Variants in ITGB6 observed in about 807,000 individuals in gnomAD.
ITGB6 encodes the protein integrin beta-6.
ITGB6 carries 80 observed loss-of-function variants against 84.5 expected under a neutral mutation model. That is an observed-to-expected ratio of 0.95 (90% confidence interval 0.79 to 1.14). The LOEUF is 1.14. ITGB6 is among the 50% of genes most tolerant of loss of function. The pLI, the probability that ITGB6 is intolerant of heterozygous loss-of-function variation, is 0.00. For missense variants in ITGB6, 1,006 were observed against 968.0 expected (o/e 1.04, Z -0.52); for synonymous variants, 383 against 354.9 (o/e 1.08, Z -0.89).
At chr2:160,123,979 G>A in intron 11 of ITGB6, 91 bp from the exon 12 acceptor site, 1 of 865,424 alleles carries the variant, frequency 1.2e-6, no homozygotes, top group South Asian at 1.5e-5. Context: ...GTTGCAATTT[G>A]TGCTATAGGA....
chr2:160,123,881 T>A lies in ITGB6; in HGVS notation c.1891A>T (p.Ile631Phe), dbSNP rs1683137706. Residue 631 changes from isoleucine to phenylalanine, a missense_variant, in exon 12 of 15, where the codon ATT (isoleucine) becomes TTT (phenylalanine). Coordinates refer to ENST00000283249, the MANE Select transcript of ITGB6 (RefSeq NM_000888.5). ...GDPCNSKRSC[I>F]ECHLSAAGQA... Reference sequence around the variant, plus strand: ...CCAGCTGCTGACAGGTGGCACTCAATGCAGCTCCTGTGGACAGTATCCAAC... The same window carrying A: ...CCAGCTGCTGACAGGTGGCACTCAAAGCAGCTCCTGTGGACAGTATCCAAC... 6.2e-7 allele frequency: 1 copy of A among 1,613,074 alleles called. No homozygotes were observed. The highest frequency in any genetic ancestry group is 1.3e-5 in the African/African-American group (1 of 74,930).
intron 8 of ITGB6, among the ~76,000 whole-genome samples, chr2:160,140,694 G>C (rs1683966713): frequency 6.6e-6 from 1 of 152,196 alleles, no homozygotes; most frequent in African/African-American, 2.4e-5. Context: ...ATGTGGTGAT[G>C]AATTTGATGT....
chr2:160,137,734 A>G lies in ITGB6; in HGVS notation c.1360T>C (p.Cys454Arg). 6.2e-7 allele frequency: 1 copy of G among 1,614,200 alleles called. No individual in the cohort carries two copies. Among genetic ancestry groups the G allele is most frequent in the South Asian group, 1.1e-5 (1 of 91,084 alleles). ...LELLVSPECN[C>R]DCQKEVEVNS... The stretch of plus-strand genomic sequence containing the variant: ...ACTTCCACTTCTTTCTGACAGTCGC[A>G]GTTGCATTCTGGGCTGACAAGTAAT... Residue 454 changes from cysteine (C) to arginine (R), a missense_variant, in exon 10 of 15, where the codon TGC becomes CGC. Physicochemically the swap from Cys to Arg is radical, Grantham distance 180. Coordinates refer to ENST00000283249, the MANE Select transcript of ITGB6 (RefSeq NM_000888.5).
In ITGB6 at chr2:160,101,808, G is replaced by A. The variant is rs780942687; in HGVS notation, c.2295C>T (p.Ser765=). Residue 765 remains serine, a synonymous_variant, in exon 15 of 15, where the codon TCC becomes TCT. Transcript: ENST00000283249. ...QTGTNPLYRG[S]TSTFKNVTYK... Reference sequence around the variant, plus strand: ...AAGTTACATTTTTAAAAGTACTTGTGGATCCTCTGTAGAGTGGATTGGTTC... The same window carrying A: ...AAGTTACATTTTTAAAAGTACTTGTAGATCCTCTGTAGAGTGGATTGGTTC... The A allele has an allele frequency of 3.8e-6, 6 of 1,593,612 alleles. No homozygotes were observed. The highest frequency in any genetic ancestry group is 1.7e-4 in the Middle Eastern group (1 of 6,024).
At chr2:160,193,354 G>A (rs768577983) in intron 4 of ITGB6, among the ~76,000 whole-genome samples, 9 of 152,144 alleles carry the variant, frequency 5.9e-5, no homozygotes, top group African/African-American at 2.4e-5. Context: ...AAAACATTAT[G>A]TTGAACCAAA....
At chr2:160,198,306 G>C (rs889048516) in intron 2 of ITGB6, among the ~76,000 whole-genome samples, 1 of 152,160 alleles carries the variant, frequency 6.6e-6, no homozygotes, top group Admixed American at 6.5e-5. Context: ...ACACTTCATG[G>C]ATACACACTG....
chr2:160,114,673 G>T (rs533820604), intron 12 of ITGB6, among the ~76,000 whole-genome samples: 4 of 152,172 alleles, frequency 2.6e-5, no homozygotes, highest in African/African-American at 9.6e-5. Context: ...GTGGGTGCGC[G>T]CACCGTGCGC....
At chr2:160,192,278 G>A (rs1007075935) in intron 4 of ITGB6, among the ~76,000 whole-genome samples, 6 of 152,030 alleles carry the variant, frequency 3.9e-5, no homozygotes, top group Non-Finnish European at 7.4e-5. Flanking sequence ...TATATGCAAT[G>A]GATCAATGAA....
intron 12 of ITGB6, among the ~76,000 whole-genome samples, chr2:160,120,849 G>C (rs1324715999): frequency 1.4e-5 from 2 of 146,896 alleles, no homozygotes; most frequent in East Asian, 4.1e-4. Context: ...CTCATAGGTG[G>C]GAATTGAACA....
Position 160,137,643 on chromosome 2 carries a change from C to T in ITGB6, c.1451G>A (p.Gly484Asp), listed in dbSNP as rs1194415476. 14 of 1,614,074 alleles carry T rather than the reference C, an allele frequency of 8.7e-6. No homozygotes were observed. The highest frequency in any genetic ancestry group is 1.3e-5 in the African/African-American group (1 of 74,928). Reference sequence around the variant, plus strand: ...ACACTCACAGCGAGGCCCCATGTGGCCAGGGTGGCAGGCACACACCCCACA... The same window carrying T: ...ACACTCACAGCGAGGCCCCATGTGGTCAGGGTGGCAGGCACACACCCCACA... ...FQCGVCACHP[G>D]HMGPRCECGE... is the part of the protein sequence containing the mutation. Residue 484 changes from glycine (G) to aspartate (D), a missense_variant, in exon 10 of 15, where the codon GGC (glycine) becomes GAC (aspartate). Gly to Asp is a moderately conservative substitution (Grantham distance 94, BLOSUM62 -1). Coordinates refer to ENST00000283249, the MANE Select transcript of ITGB6 (RefSeq NM_000888.5).
intron 10 of ITGB6, among the ~76,000 whole-genome samples, chr2:160,132,251 C>G (rs552575642): frequency 6.6e-6 from 1 of 152,130 alleles, no homozygotes; most frequent in Admixed American, 6.5e-5. Flanking sequence ...CCTATTAAAC[C>G]AGGAAATAAA....
chr2:160,172,306 C>A (rs1685237569), intron 6 of ITGB6, among the ~76,000 whole-genome samples: 1 of 152,124 alleles, frequency 6.6e-6, no homozygotes, highest in Non-Finnish European at 1.5e-5. Flanking sequence ...TTTACCAGCA[C>A]CAGGATTTTT....
intron 7 of ITGB6, among the ~76,000 whole-genome samples, chr2:160,151,027 A>G (rs1164365155): frequency 6.6e-6 from 1 of 152,070 alleles, no homozygotes; most frequent in African/African-American, 2.4e-5. Flanking sequence ...CTCTCATTAG[A>G]CAGATAAACA....
intron 12 of ITGB6, among the ~76,000 whole-genome samples, chr2:160,122,123 C>T (rs993664058): frequency 6.6e-6 from 1 of 152,024 alleles, no homozygotes; most frequent in Non-Finnish European, 1.5e-5. Context: ...CAAATTCATC[C>T]AGATTAGTGC....
intron 7 of ITGB6, among the ~76,000 whole-genome samples, chr2:160,147,811 A>G (rs1684257133): frequency 6.6e-6 from 1 of 152,212 alleles, no homozygotes. Context: ...CACCCTTCAC[A>G]AACATTAGCT....
At position 160,137,655 on chromosome 2, in the gene ITGB6, G is replaced by C; in HGVS notation, c.1439C>G (p.Ala480Gly). The C allele has an allele frequency of 3.1e-6, 5 of 1,614,170 alleles. No individual in the cohort carries two copies. Among genetic ancestry groups the C allele is most frequent in the Non-Finnish European group, 4.2e-6 (5 of 1,180,016 alleles). The change falls in exon 10 of 15, where the codon GCC becomes GGC. Residue 480 changes from alanine (A) to glycine (G), a missense_variant. By Grantham distance (60) the Ala-to-Gly change is moderately conservative (BLOSUM62 0). Transcript: ENST00000283249. ...AGGCCCCATGTGGCCAGGGTGGCAG[G>C]CACACACCCCACACTGGAAAGAGCC... is the stretch of plus-strand genomic sequence containing the variant. ...GNGSFQCGVC[A>G]CHPGHMGPRC...
At chr2:160,190,194 G>C (rs1686084004) in intron 4 of ITGB6, among the ~76,000 whole-genome samples, 4 of 147,344 alleles carry the variant, frequency 2.7e-5, no homozygotes, top group Admixed American at 2.7e-4. Context: ...TCACACTTCA[G>C]GGACTGTTGT....
At chr2:160,159,943 A>G (rs74925033) in intron 7 of ITGB6, among the ~76,000 whole-genome samples, 4,035 of 152,246 alleles carry the variant, frequency 0.027, 72 homozygotes, top group South Asian at 0.076. Context: ...AGGACAAAAC[A>G]GTGTCTTTTT....
chr2:160,148,000 G>A (rs1684265549), intron 7 of ITGB6, among the ~76,000 whole-genome samples: 1 of 152,146 alleles, frequency 6.6e-6, no homozygotes, highest in African/African-American at 2.4e-5. Flanking sequence ...TCTACTCCGT[G>A]AAAGATGATG....
Sources: allele counts gnomAD v4.1 joint callset (sites outside exome capture counted in the v4.1 genomes callset), GRCh38; gene constraint gnomAD v4.1.1; transcripts MANE v1.5; gene names NCBI Gene and HGNC (gene_info 2026-07-23, HGNC 2026-07-21).